The following LEF1 variants were observed in gnomAD, a reference collection of about 807,000 sequenced individuals.
LEF1 encodes the protein lymphoid enhancer-binding factor 1.
LEF1 carries 14 observed loss-of-function variants against 51.2 expected under a neutral mutation model. The ratio of observed to expected loss-of-function variants is 0.27; its 90% CI spans 0.18 to 0.43. The LOEUF is 0.43. Ranked by LOEUF, LEF1 falls within the 20% of genes least tolerant of loss-of-function variation. LEF1 has a pLI of 1.00. For synonymous variants in LEF1, 185 were observed against 183.2 expected (o/e 1.01, Z -0.08); for missense variants, 386 against 512.0 (o/e 0.75, Z 2.37).
At chr4:108,081,159 G>A (rs568405552) in intron 6 of LEF1, among the ~76,000 whole-genome samples, 7 of 152,196 alleles carry the variant, frequency 4.6e-5, no homozygotes, top group East Asian at 1.9e-4. Flanking sequence ...AAACACTGCC[G>A]CATCAAACTG....
At chr4:108,134,297 T>C (rs1278212536) in intron 3 of LEF1, among the ~76,000 whole-genome samples, 2 of 152,360 alleles carry the variant, frequency 1.3e-5, no homozygotes, top group East Asian at 3.9e-4. Context: ...CTAGCAGTCC[T>C]TCCACTATTG....
rs180704092 is a variant in LEF1 at position 108,145,999 on chromosome 4, T to C, written c.414+17569A>G. Among the ~76,000 whole-genome samples the C allele has an allele frequency of 4.6e-5, 7 of 152,334 alleles. No homozygotes were observed. The East Asian group carries it at 1.3e-3, about 29-fold the overall frequency. On this transcript the variant is annotated intron_variant, in intron 3 of 11. Transcript: ENST00000265165. ...CTCAAAGTGGGTAAAATGTATGCTA[T>C]GTGAATTATATCTCAATAAAAATGA...
chr4:108,097,456 G>C (rs556021581), intron 3 of LEF1, among the ~76,000 whole-genome samples: 5 of 152,238 alleles, frequency 3.3e-5, no homozygotes, highest in Admixed American at 6.5e-5. Context: ...GGTTGGGTGA[G>C]TGGGGATGGT....
At chr4:108,166,989 T>C (rs1162253841) in intron 1 of LEF1, among the ~76,000 whole-genome samples, 2 of 151,874 alleles carry the variant, frequency 1.3e-5, no homozygotes, top group African/African-American at 4.8e-5. Context: ...TCGGCCGGCC[T>C]GCTCCCCGCG....
chr4:108,165,781 T>C (rs1012825858), intron 1 of LEF1, among the ~76,000 whole-genome samples: 7 of 152,194 alleles, frequency 4.6e-5, no homozygotes, highest in African/African-American at 1.7e-4. Flanking sequence ...AGTCAGGTTA[T>C]AGACATCTAA....
chr4:108,089,010 C>T (rs1739830781), intron 4 of LEF1, 115 bp downstream of exon 4: 1 of 1,158,112 alleles, frequency 8.6e-7, no homozygotes, highest in East Asian at 2.3e-5. Flanking sequence ...TGTAAAAACA[C>T]ATTCTGATCC....
At position 108,079,536 on chromosome 4, in the gene LEF1, C is replaced by T. The variant is rs1208763348; in HGVS notation, c.801G>A (p.Gln267=). 1 of 1,614,042 alleles carries T rather than the reference C, an allele frequency of 6.2e-7. No homozygotes were observed. The highest frequency in any genetic ancestry group is 2.2e-5 in the East Asian group (1 of 44,858). ...CAGTGTGGGGATGTTCCTGTTTGAC[C>T]TGAGGTGTTACAATAGCTGGATGAG... is the stretch of plus-strand genomic sequence containing the variant. ...GIPHPAIVTP[Q]VKQEHPHTDS... is the part of the protein sequence containing the mutation. The change falls in exon 7 of 12, where the codon CAG becomes CAA. Residue 267 remains glutamine, a synonymous_variant. Transcript: ENST00000265165.
intron 9 of LEF1, among the ~76,000 whole-genome samples, chr4:108,066,730 T>C (rs184164532): frequency 1.3e-5 from 2 of 152,298 alleles, no homozygotes; most frequent in East Asian, 3.9e-4. Flanking sequence ...AAAACCAAAA[T>C]TCATGTATGG....
chr4:108,135,927 T>G lies in LEF1; in HGVS notation c.414+27641A>C, dbSNP rs939042518. Among the ~76,000 whole-genome samples, 27 of 152,310 alleles carry G rather than the reference T, an allele frequency of 1.8e-4. No individual in the cohort carries two copies. The East Asian group carries it at 4.3e-3, about 24-fold the overall frequency. ...CCCCCAATCCTGCCCAAATGTGAACTGTACAAACAGTATGACTTCTTCCTT... is the reference window on the plus strand; with the variant it reads ...CCCCCAATCCTGCCCAAATGTGAACGGTACAAACAGTATGACTTCTTCCTT... On this transcript the variant is annotated intron_variant, in intron 3 of 11. Coordinates refer to ENST00000265165, the MANE Select transcript of LEF1 (RefSeq NM_016269.5).
intron 11 of LEF1, among the ~76,000 whole-genome samples, chr4:108,057,700 C>T (rs530427129): frequency 6.6e-6 from 1 of 152,194 alleles, no homozygotes; most frequent in South Asian, 2.1e-4. Context: ...CGAACATCAT[C>T]ATCAAAGAAA....
chr4:108,113,010 G>T (rs1741622237), intron 3 of LEF1, among the ~76,000 whole-genome samples: 1 of 152,192 alleles, frequency 6.6e-6, no homozygotes, highest in Non-Finnish European at 1.5e-5. Context: ...AATGGCAGAA[G>T]CCCAGGAATG....
chr4:108,058,032 C>G (rs902423514), intron 11 of LEF1, among the ~76,000 whole-genome samples: 39 of 152,140 alleles, frequency 2.6e-4, no homozygotes, highest in Admixed American at 2.0e-3. Flanking sequence ...TGCCACCACA[C>G]CTGGCTAATT....
At chr4:108,069,999 T>A (rs1313167824) in intron 9 of LEF1, among the ~76,000 whole-genome samples, 1 of 151,604 alleles carries the variant, frequency 6.6e-6, no homozygotes, top group Non-Finnish European at 1.5e-5. Context: ...AACATTTATA[T>A]CCTTTACCTC....
rs763462499 is a variant in LEF1 at position 108,048,718 on chromosome 4, G to C, written c.*40C>G. On this transcript the variant is annotated 3_prime_UTR_variant, in exon 12 of 12. Transcript: ENST00000265165. ...AAGAGGTCCTGGGGTCGCTGCCTTGGCTTTGCACGTTGGGAATGAGCTTCG... is the reference window on the plus strand; with the variant it reads ...AAGAGGTCCTGGGGTCGCTGCCTTGCCTTTGCACGTTGGGAATGAGCTTCG... 1.9e-6 allele frequency: 3 copies of C among 1,609,554 alleles called. No individual in the cohort carries two copies. The Admixed American group carries it at 5.0e-5, about 27-fold the overall frequency.
chr4:108,164,082 C>T (rs945463715), intron 2 of LEF1, among the ~76,000 whole-genome samples: 4 of 152,124 alleles, frequency 2.6e-5, no homozygotes, highest in African/African-American at 9.7e-5. Context: ...TACACACAAA[C>T]ACAGAGATTT....
chr4:108,153,107 T>C (rs1252898994), intron 3 of LEF1, among the ~76,000 whole-genome samples: 1 of 152,192 alleles, frequency 6.6e-6, no homozygotes, highest in Non-Finnish European at 1.5e-5. Context: ...CTGTAGCCCT[T>C]TTCCCTCCCC....
chr4:108,104,201 C>G (rs563052212), intron 3 of LEF1, among the ~76,000 whole-genome samples: 1 of 151,848 alleles, frequency 6.6e-6, no homozygotes, highest in South Asian at 2.1e-4. Context: ...AATGTCCGGA[C>G]CAGGCAAAGT....
At chr4:108,163,502 A>C in intron 3 of LEF1, 66 bp downstream of exon 3, 1 of 1,547,106 alleles carries the variant, frequency 6.5e-7, no homozygotes, top group Non-Finnish European at 8.8e-7. Context: ...AAAAATAAAC[A>C]TTCTGCCAAA....
chr4:108,107,266 GT>G (rs77205957), intron 3 of LEF1, among the ~76,000 whole-genome samples: 1,525 of 141,482 alleles, frequency 0.011, 15 homozygotes, highest in African/African-American at 0.034. Context: ...AGAGAAAGGT[GT>G]TTTTTTTTTT....
Sources: allele counts gnomAD v4.1 joint callset (sites outside exome capture counted in the v4.1 genomes callset), GRCh38; gene constraint gnomAD v4.1.1; transcripts MANE v1.5; gene names NCBI Gene and HGNC (gene_info 2026-07-23, HGNC 2026-07-21).